Variants in FRAS1 observed in about 807,000 individuals in gnomAD.
FRAS1 encodes the protein Fraser extracellular matrix complex subunit 1.
FRAS1 carries 290 observed loss-of-function variants against 435.2 expected under a neutral mutation model. That is an observed-to-expected ratio of 0.67 (90% confidence interval 0.61 to 0.73). FRAS1 has a LOEUF of 0.73. FRAS1 is among the 30% of genes least tolerant of loss of function. The probability of loss-of-function intolerance (pLI) is 0.00; values close to 1 mark genes in which losing one functional copy is unlikely to be tolerated. For synonymous variants in FRAS1, 1,800 were observed against 1,851.0 expected (o/e 0.97, Z 0.71); for missense variants, 4,860 against 5,001.5 (o/e 0.97, Z 0.85).
At chr4:78,466,536 A>G (rs1719535157) in intron 50 of FRAS1, 101 bp downstream of exon 50, 8 of 859,062 alleles carry the variant, frequency 9.3e-6, no homozygotes, top group South Asian at 1.8e-5. Context: ...TTCTCGTTCT[A>G]TCAGTAGCTA....
intron 2 of FRAS1, among the ~76,000 whole-genome samples, chr4:78,092,393 G>T (rs922598190): frequency 6.6e-6 from 1 of 152,176 alleles, no homozygotes; most frequent in African/African-American, 2.4e-5. Flanking sequence ...GGCTGAGGAG[G>T]CCTCACAATC....
chr4:78,371,088 TTTG>T lies in FRAS1; in HGVS notation c.2869+1107_2869+1109del, dbSNP rs1415706453. 5.2e-4 allele frequency among the ~76,000 whole-genome samples: 77 copies of T among 146,946 alleles called. No individual in the cohort carries two copies. The East Asian group carries it at 5.5e-3, about 11-fold the overall frequency. On this transcript the variant is annotated intron_variant, in intron 23 of 73. Coordinates refer to ENST00000512123, the MANE Select transcript of FRAS1 (RefSeq NM_025074.7). ...GACCACAGAATTTTTTTTCTGTTTT[TTTG>T]TTTTTTTTTTTTTTTGCCTTCTAAC...
At chr4:78,489,968 C>CAAAAACAA (rs1553891077) in intron 59 of FRAS1, among the ~76,000 whole-genome samples, 1 of 92,598 alleles carries the variant, frequency 1.1e-5, no homozygotes, top group South Asian at 4.5e-4. Flanking sequence ...TAGTGGAAAA[C>CAAAAACAA]AAAAAAAAAA....
intron 51 of FRAS1, among the ~76,000 whole-genome samples, chr4:78,471,238 G>T (rs1444400498): frequency 1.3e-5 from 2 of 152,130 alleles, no homozygotes; most frequent in Non-Finnish European, 2.9e-5. Flanking sequence ...CTTCAGTTGA[G>T]AACTGGTTTC....
At chr4:78,206,396 C>G (rs973073825) in intron 2 of FRAS1, among the ~76,000 whole-genome samples, 3 of 152,180 alleles carry the variant, frequency 2.0e-5, no homozygotes, top group African/African-American at 7.2e-5. Flanking sequence ...AGCTGCCCAG[C>G]TGACACCTTG....
chr4:78,225,112 A>T (rs977535021), intron 2 of FRAS1, among the ~76,000 whole-genome samples: 1 of 152,168 alleles, frequency 6.6e-6, no homozygotes, highest in African/African-American at 2.4e-5. Context: ...CTGAGGATGG[A>T]TGTCTGAGAG....
intron 15 of FRAS1, among the ~76,000 whole-genome samples, chr4:78,312,851 A>G (rs374339992): frequency 2.0e-5 from 1 of 48,816 alleles, no homozygotes; most frequent in Non-Finnish European, 4.2e-5. Flanking sequence ...AAAAGAAAGA[A>G]AGAAAGAAAG....
chr4:78,246,038 C>T (rs1725231058), intron 4 of FRAS1, among the ~76,000 whole-genome samples: 2 of 152,132 alleles, frequency 1.3e-5, no homozygotes, highest in Non-Finnish European at 2.9e-5. Flanking sequence ...TTCTCAAGTT[C>T]TTAAAATTAC....
intron 4 of FRAS1, among the ~76,000 whole-genome samples, chr4:78,249,138 A>G (rs1440056682): frequency 8.5e-6 from 1 of 117,562 alleles, no homozygotes; most frequent in East Asian, 2.6e-4. Flanking sequence ...TGCATAATCA[A>G]TCCTCAGAAC....
At chr4:78,363,365 A>AC in intron 20 of FRAS1, 148 bp from the exon 21 acceptor site, 1 of 715,760 alleles carries the variant, frequency 1.4e-6, no homozygotes, top group Non-Finnish European at 2.2e-6. Context: ...CCAAGCTTCT[A>AC]CTTTACTGAT....
intron 9 of FRAS1, among the ~76,000 whole-genome samples, chr4:78,267,880 T>A (rs1180578050): frequency 1.3e-5 from 2 of 152,180 alleles, no homozygotes; most frequent in Non-Finnish European, 2.9e-5. Context: ...GCCGCTTCCG[T>A]GGATCAGGAA....
chr4:78,519,401 C>G lies in FRAS1; in HGVS notation c.10460C>G (p.Ala3487Gly). 1.2e-6 allele frequency: 2 copies of G among 1,610,582 alleles called. No individual in the cohort carries two copies. Among genetic ancestry groups the G allele is most frequent in the Non-Finnish European group, 1.7e-6 (2 of 1,178,642 alleles). Residue 3487 changes from alanine (A) to glycine (G), a missense_variant, in exon 67 of 74, where the codon GCC (alanine) becomes GGC (glycine). Physicochemically the swap from Ala to Gly is moderately conservative, Grantham distance 60. Transcript: ENST00000512123. ...PLYVSYIYVT[A>G]PRGWASLEHH... is the part of the protein sequence containing the mutation. ...TATGTGTCCTACATCTATGTGACAGCCCCCAGGGGCTGGGCCTCCTTGGAG... is the reference window on the plus strand; with the variant it reads ...TATGTGTCCTACATCTATGTGACAGGCCCCAGGGGCTGGGCCTCCTTGGAG...
chr4:78,391,639 A>G (rs1201942352), intron 29 of FRAS1, among the ~76,000 whole-genome samples: 1 of 152,096 alleles, frequency 6.6e-6, no homozygotes, highest in Non-Finnish European at 1.5e-5. Flanking sequence ...ATCTTTCTGA[A>G]CTTCTTTGTT....
rs147693447 is a variant in FRAS1 at position 78,246,860 on chromosome 4, A to C, written c.309+1535A>C. Among the ~76,000 whole-genome samples the C allele has an allele frequency of 5.0e-3, 756 of 152,296 alleles. 6 individuals carry two copies. The highest frequency in any genetic ancestry group is 8.7e-3 in the Non-Finnish European group (594 of 68,026). On this transcript the variant is annotated intron_variant, in intron 4 of 73. Transcript: ENST00000512123. Reference sequence around the variant, plus strand: ...ATGACATCATATGCTCTCTCATGTCATGTGTGTGCACATGTGCAGTCTTCT... The same window carrying C: ...ATGACATCATATGCTCTCTCATGTCCTGTGTGTGCACATGTGCAGTCTTCT...
chr4:78,504,283 G>C (rs1720766987), intron 61 of FRAS1, among the ~76,000 whole-genome samples: 1 of 152,226 alleles, frequency 6.6e-6, no homozygotes, highest in African/African-American at 2.4e-5. Flanking sequence ...TCAACCTTCT[G>C]TCTCATTGAT....
intron 2 of FRAS1, among the ~76,000 whole-genome samples, chr4:78,203,020 T>C (rs1269467428): frequency 6.6e-6 from 1 of 152,206 alleles, no homozygotes; most frequent in East Asian, 1.9e-4. Flanking sequence ...CAAGCTATCA[T>C]TTAAAAAAAT....
At chr4:78,335,624 AC>A (rs999617417) in intron 19 of FRAS1, among the ~76,000 whole-genome samples, 2 of 152,194 alleles carry the variant, frequency 1.3e-5, no homozygotes, top group African/African-American at 4.8e-5. Context: ...GAGACAAGCT[AC>A]CTTGGGTGTT....
At chr4:78,265,201 A>C in intron 7 of FRAS1, 93 bp downstream of exon 7, 24 of 699,478 alleles carry the variant, frequency 3.4e-5, no homozygotes, top group Middle Eastern at 3.7e-4. Flanking sequence ...CACCACCCTC[A>C]TGTCTGACTC....
intron 20 of FRAS1, among the ~76,000 whole-genome samples, chr4:78,361,605 G>A (rs1385131): frequency 0.64 from 97,980 of 152,046 alleles, 32,124 homozygotes; most frequent in Non-Finnish European, 0.67. Context: ...GATCTGCTTC[G>A]TGTACAGGGA....
Sources: allele counts gnomAD v4.1 joint callset (sites outside exome capture counted in the v4.1 genomes callset), GRCh38; gene constraint gnomAD v4.1.1; transcripts MANE v1.5; gene names NCBI Gene and HGNC (gene_info 2026-07-23, HGNC 2026-07-21).